SORCS1: variants seen among roughly 807,000 people sequenced by gnomAD.
The protein encoded by SORCS1 is sortilin related VPS10 domain containing receptor 1, also known as VPS10 domain-containing receptor SorCS1.
SORCS1 carries 60 observed loss-of-function variants against 146.1 expected under a neutral mutation model. That is an observed-to-expected ratio of 0.41 (90% CI 0.33 to 0.51). SORCS1 has a LOEUF of 0.51. Ranked by LOEUF, SORCS1 falls within the 20% of genes least tolerant of loss-of-function variation. SORCS1 has a pLI of 0.21. For synonymous variants in SORCS1, 637 were observed against 584.0 expected (o/e 1.09, Z -1.31); for missense variants, 1,352 against 1,487.6 (o/e 0.91, Z 1.50).
intron 3 of SORCS1, among the ~76,000 whole-genome samples, chr10:106,820,795 C>T (rs756891338): frequency 2.3e-4 from 35 of 152,238 alleles, no homozygotes; most frequent in Non-Finnish European, 4.0e-4. Flanking sequence ...CACAAGATGA[C>T]GGAAACCCCT....
intron 21 of SORCS1, among the ~76,000 whole-genome samples, chr10:106,616,952 CTT>C (rs869157881): frequency 4.1e-3 from 2 of 490 alleles, no homozygotes; most frequent in Admixed American, 0.062. Context: ...CTTGCTCTTT[CTT>C]TTTTTTTTTT....
chr10:107,100,241 C>T (rs1353175216), intron 1 of SORCS1, among the ~76,000 whole-genome samples: 4 of 152,122 alleles, frequency 2.6e-5, no homozygotes, highest in African/African-American at 7.2e-5. Flanking sequence ...AGGCCGGGTG[C>T]GGTGGCTCAC....
intron 1 of SORCS1, among the ~76,000 whole-genome samples, chr10:107,028,441 G>A (rs930540448): frequency 5.9e-5 from 9 of 152,180 alleles, no homozygotes. Context: ...TTTCTTATCT[G>A]TAAAACCAGA....
intron 3 of SORCS1, among the ~76,000 whole-genome samples, chr10:106,827,336 A>C (rs1948348949): frequency 6.6e-6 from 1 of 152,130 alleles, no homozygotes; most frequent in Non-Finnish European, 1.5e-5. Flanking sequence ...AATGGAGAAA[A>C]TGTAAATGAT....
chr10:106,989,698 T>TTTC, intron 1 of SORCS1, among the ~76,000 whole-genome samples: 1 of 137,246 alleles, frequency 7.3e-6, no homozygotes, highest in African/African-American at 2.7e-5. Flanking sequence ...TTTTTTTTTT[T>TTTC]TTTTCTGAGA....
At chr10:106,912,912 C>T (rs1196479249) in intron 2 of SORCS1, among the ~76,000 whole-genome samples, 1 of 152,050 alleles carries the variant, frequency 6.6e-6, no homozygotes, top group Admixed American at 6.6e-5. Flanking sequence ...AAACTCCAGA[C>T]CTCGTGATCC....
At chr10:106,909,136 C>G (rs965853961) in intron 2 of SORCS1, among the ~76,000 whole-genome samples, 1 of 152,148 alleles carries the variant, frequency 6.6e-6, no homozygotes, top group Admixed American at 6.5e-5. Context: ...TCCTAGGCTC[C>G]TTGATGTTTG....
intron 5 of SORCS1, among the ~76,000 whole-genome samples, chr10:106,747,624 C>CTAA (rs1318015688): frequency 6.6e-6 from 1 of 152,170 alleles, no homozygotes; most frequent in African/African-American, 2.4e-5. Flanking sequence ...TAGCATTCTG[C>CTAA]ATCTCGGTAG....
chr10:106,905,292 A>G (rs1191919972), intron 2 of SORCS1, among the ~76,000 whole-genome samples: 1 of 152,188 alleles, frequency 6.6e-6, no homozygotes, highest in Non-Finnish European at 1.5e-5. Flanking sequence ...ATTAAGTTGG[A>G]GAAGGAAAAG....
At chr10:106,788,722 C>T (rs1261923604) in intron 3 of SORCS1, among the ~76,000 whole-genome samples, 1 of 152,234 alleles carries the variant, frequency 6.6e-6, no homozygotes, top group Non-Finnish European at 1.5e-5. Flanking sequence ...CCCTCCCACA[C>T]CAGCTGCTTT....
intron 3 of SORCS1, among the ~76,000 whole-genome samples, chr10:106,778,180 G>C (rs1291061437): frequency 6.6e-6 from 1 of 152,054 alleles, no homozygotes; most frequent in Non-Finnish European, 1.5e-5. Context: ...CCCAAACTCT[G>C]TTTATGCTAT....
At chr10:106,817,026 G>A (rs1410106138) in intron 3 of SORCS1, among the ~76,000 whole-genome samples, 3 of 152,214 alleles carry the variant, frequency 2.0e-5, no homozygotes, top group Non-Finnish European at 4.4e-5. Flanking sequence ...GTATTAGTGA[G>A]TGGAGAAAAT....
chr10:106,682,342 C>T (rs1852502541), intron 10 of SORCS1, among the ~76,000 whole-genome samples: 1 of 152,110 alleles, frequency 6.6e-6, no homozygotes, highest in African/African-American at 2.4e-5. Flanking sequence ...GTACTTTTTT[C>T]TCCACTCTCA....
At chr10:107,120,892 G>GA (rs939105223) in intron 1 of SORCS1, among the ~76,000 whole-genome samples, 24 of 151,656 alleles carry the variant, frequency 1.6e-4, no homozygotes, top group Admixed American at 4.6e-4. Context: ...GGTCTCAAGT[G>GA]AAAAAAAAGC....
At chr10:106,818,368 G>GA (rs1158689903) in intron 3 of SORCS1, among the ~76,000 whole-genome samples, 1 of 134,932 alleles carries the variant, frequency 7.4e-6, no homozygotes, top group African/African-American at 2.8e-5. Flanking sequence ...GGGTCATGAG[G>GA]ATTTTTTTTT....
intron 1 of SORCS1, among the ~76,000 whole-genome samples, chr10:107,105,701 C>A (rs1965259558): frequency 6.7e-6 from 1 of 149,774 alleles, no homozygotes; most frequent in African/African-American, 2.5e-5. Flanking sequence ...GCCATGCTGG[C>A]AGCTGATTAG....
At chr10:106,629,473 T>A in intron 18 of SORCS1, 85 bp from the exon 19 acceptor site, 1 of 1,435,046 alleles carries the variant, frequency 7.0e-7, no homozygotes, top group Non-Finnish European at 9.6e-7. Context: ...CTTGTCCTAG[T>A]CCCTGGCTCA....
At chr10:107,064,068 T>C (rs1752443850) in intron 1 of SORCS1, among the ~76,000 whole-genome samples, 1 of 152,234 alleles carries the variant, frequency 6.6e-6, no homozygotes, top group African/African-American at 2.4e-5. Flanking sequence ...CTTTCACTAA[T>C]AGTTTTTATT....
intron 23 of SORCS1, among the ~76,000 whole-genome samples, chr10:106,598,251 T>TTAA (rs1188649389): frequency 6.8e-6 from 1 of 146,366 alleles, no homozygotes; most frequent in Non-Finnish European, 1.5e-5. Context: ...ATTATTATTA[T>TTAA]TATTATTATT....
Sources: allele counts gnomAD v4.1 joint callset (sites outside exome capture counted in the v4.1 genomes callset), GRCh38; gene constraint gnomAD v4.1.1; transcripts MANE v1.5; gene names NCBI Gene and HGNC (gene_info 2026-07-23, HGNC 2026-07-21).